ATXN7: variants seen among roughly 807,000 people sequenced by gnomAD.
ATXN7 encodes the protein ataxin 7.
ATXN7 carries 12 observed loss-of-function variants against 70.5 expected under a neutral mutation model. The observed-to-expected ratio is 0.17, with a 90% confidence interval of 0.11 to 0.28. The LOEUF (loss-of-function observed/expected upper bound fraction) is 0.28. ATXN7 is among the 10% of genes least tolerant of loss of function. The pLI is 1.00. For synonymous variants in ATXN7, 498 were observed against 448.7 expected, an observed-to-expected ratio of 1.11 and a Z score of -1.39; for missense variants, 1,256 against 1,131.7, an observed-to-expected ratio of 1.11 and a Z score of -1.58.
chr3:63,928,400 T>C (rs2107333857), intron 4 of ATXN7, among the ~76,000 whole-genome samples: 2 of 124,674 alleles, frequency 1.6e-5, no homozygotes, highest in South Asian at 4.6e-4. Flanking sequence ...TGTGGTTGCA[T>C]ACCCATTTTT....
chr3:63,962,614 A>G (rs148198217), intron 5 of ATXN7, among the ~76,000 whole-genome samples: 3,859 of 152,122 alleles, frequency 0.025, 82 homozygotes, highest in African/African-American at 0.06. Flanking sequence ...CATGTTGGCC[A>G]GGCTGGTCTT....
intron 2 of ATXN7, among the ~76,000 whole-genome samples, chr3:63,909,153 A>C (rs55917937): frequency 0.25 from 37,704 of 151,998 alleles, 5,830 homozygotes; most frequent in African/African-American, 0.45. Context: ...ATTATTACTT[A>C]AGTTTTCAGA....
intron 5 of ATXN7, among the ~76,000 whole-genome samples, chr3:63,956,444 AAAGAGT>A (rs2075040310): frequency 1.3e-5 from 2 of 151,448 alleles, no homozygotes; most frequent in Non-Finnish European, 2.9e-5. Flanking sequence ...AAAAAAAAAA[AAAGAGT>A]AAGGTGTTTC....
intron 4 of ATXN7, among the ~76,000 whole-genome samples, chr3:63,920,345 A>G (rs2107316899): frequency 6.6e-6 from 1 of 152,258 alleles, no homozygotes; most frequent in South Asian, 2.1e-4. Context: ...TATCACCATT[A>G]TCTCCATTTT....
At chr3:63,900,557 A>G (rs1186776623) in intron 2 of ATXN7, 1 of 152,324 alleles carries the variant, frequency 6.6e-6, no homozygotes, top group Non-Finnish European at 1.5e-5. Context: ...CATGTCTGCA[A>G]GGTGCCAGAG....
At chr3:63,938,197 G>A (rs566957712) in intron 4 of ATXN7, among the ~76,000 whole-genome samples, 145 of 152,282 alleles carry the variant, frequency 9.5e-4, no homozygotes, top group African/African-American at 3.0e-3. Flanking sequence ...TCCCCGGGAA[G>A]GACAAATAGT....
At position 63,979,917 on chromosome 3, in the gene ATXN7, A is replaced by C; in HGVS notation, c.502A>C (p.Arg168=). 6.2e-7 allele frequency: 1 copy of C among 1,612,790 alleles called. No individual in the cohort carries two copies. Residue 168 remains arginine, a splice_region_variant and synonymous_variant, in exon 6 of 13, where the codon AGA becomes CGA. Coordinates refer to ENST00000674280, the MANE Select transcript of ATXN7 (RefSeq NM_001377405.1). ...KPQAFQSHYE[R]RHSSSSKPPL... ...TTTTTCTTTGCTTTCGTTTTCAGAA[A>C]GAAGACATAGCTCATCCAGCAAGCC...
intron 5 of ATXN7, among the ~76,000 whole-genome samples, chr3:63,965,269 C>G (rs1344994626): frequency 1.3e-5 from 2 of 152,150 alleles, no homozygotes; most frequent in African/African-American, 4.8e-5. Flanking sequence ...CTCAAATTTA[C>G]TCCTCACCCC....
rs1177897739 is a variant in ATXN7 at position 63,990,189 on chromosome 3, C to A, written c.1375C>A (p.Pro459Thr). Residue 459 changes from proline to threonine, a missense_variant, in exon 10 of 13, where the codon CCT becomes ACT. Coordinates refer to ENST00000674280, the MANE Select transcript of ATXN7 (RefSeq NM_001377405.1). ...TPSLPRPPGC[P>T]AQQGGSAPID... ...CTACTCACCAAGGCCTCCAGGCTGC[C>A]CTGCTCAGCAAGGTGGGAGTGCCCC... The A allele has an allele frequency of 6.2e-7, 1 of 1,613,174 alleles. No homozygotes were observed. Among genetic ancestry groups the A allele is most frequent in the Non-Finnish European group, 8.5e-7 (1 of 1,180,004 alleles).
intron 4 of ATXN7, among the ~76,000 whole-genome samples, chr3:63,939,445 G>A (rs888016485): frequency 7.2e-5 from 11 of 151,966 alleles, no homozygotes; most frequent in Middle Eastern, 3.2e-3. Context: ...TACTATAGTC[G>A]AAGCAATGTT....
intron 5 of ATXN7, among the ~76,000 whole-genome samples, chr3:63,963,079 C>T (rs1223773246): frequency 6.6e-6 from 1 of 151,796 alleles, no homozygotes; most frequent in African/African-American, 2.4e-5. Context: ...CCACACCTAG[C>T]TAATTTTTGT....
At chr3:63,962,579 A>T (rs1007611344) in intron 5 of ATXN7, among the ~76,000 whole-genome samples, 1 of 151,858 alleles carries the variant, frequency 6.6e-6, no homozygotes, top group African/African-American at 2.4e-5. Context: ...TAATTTGTGC[A>T]TTTTTAGTAG....
chr3:63,877,670 T>C (rs866169840), intron 1 of ATXN7, among the ~76,000 whole-genome samples: 4 of 152,254 alleles, frequency 2.6e-5, no homozygotes, highest in South Asian at 4.1e-4. Context: ...GGGTCCTTGT[T>C]GGAGTGGCTT....
chr3:63,957,620 A>G (rs1362500841), intron 5 of ATXN7, among the ~76,000 whole-genome samples: 1 of 152,254 alleles, frequency 6.6e-6, no homozygotes, highest in Admixed American at 6.5e-5. Context: ...TGCTTTTGCC[A>G]GTGCTGGCTC....
In ATXN7 at chr3:63,952,433, G is replaced by A; in HGVS notation, c.449G>A (p.Cys150Tyr). ...CATGATGATTTCTACTTGGTGGTGT[G>A]TAACGACTGTAATCAGGTTGTCAAA... ...PAHDDFYLVV[C>Y]NDCNQVVKPQ... The change falls in exon 5 of 13, where the codon TGT (cysteine) becomes TAT (tyrosine). Residue 150 changes from cysteine to tyrosine, a missense_variant. Physicochemically the swap from Cys to Tyr is radical, Grantham distance 194 (BLOSUM62 -2). Coordinates refer to ENST00000674280, the MANE Select transcript of ATXN7 (RefSeq NM_001377405.1). The A allele has an allele frequency of 6.2e-7, 1 of 1,612,592 alleles. No homozygotes were observed. Among genetic ancestry groups the A allele is most frequent in the East Asian group, 2.2e-5 (1 of 44,796 alleles).
intron 4 of ATXN7, among the ~76,000 whole-genome samples, chr3:63,936,212 A>T (rs1184185379): frequency 6.6e-6 from 1 of 152,178 alleles, no homozygotes; most frequent in Non-Finnish European, 1.5e-5. Context: ...TCAAACTATA[A>T]GCATCACATT....
At chr3:63,992,111 C>T (rs1352317587) in intron 11 of ATXN7, among the ~76,000 whole-genome samples, 2 of 152,166 alleles carry the variant, frequency 1.3e-5, no homozygotes, top group Admixed American at 6.5e-5. Context: ...TAAATGGACT[C>T]TGCCAGTACA....
intron 4 of ATXN7, among the ~76,000 whole-genome samples, chr3:63,946,176 T>G (rs757986050): frequency 3.9e-5 from 6 of 152,198 alleles, no homozygotes; most frequent in Non-Finnish European, 8.8e-5. Flanking sequence ...TTGTAAATTT[T>G]TATTCATAAA....
chr3:63,935,911 A>G (rs565875139), intron 4 of ATXN7, among the ~76,000 whole-genome samples: 5 of 152,342 alleles, frequency 3.3e-5, no homozygotes, highest in African/African-American at 1.2e-4. Context: ...AACCTTATGT[A>G]GCAGGGTTGC....
Sources: allele counts gnomAD v4.1 joint callset (sites outside exome capture counted in the v4.1 genomes callset), GRCh38; gene constraint gnomAD v4.1.1; transcripts MANE v1.5; gene names NCBI Gene and HGNC (gene_info 2026-07-23, HGNC 2026-07-21).